The following NEGR1 variants were observed in gnomAD, a reference collection of about 807,000 sequenced individuals.
NEGR1 encodes the protein neuronal growth regulator 1, also known as IgLON family member 4.
A neutral mutation model predicts 40.9 loss-of-function variants in NEGR1; 10 were observed. The ratio of observed to expected loss-of-function variants is 0.24; its 90% CI spans 0.15 to 0.42. NEGR1 has a LOEUF of 0.42. Among genes scored for constraint, NEGR1 ranks in the 10% least tolerant of loss-of-function variants. The pLI is 1.00. For synonymous variants in NEGR1, 185 were observed against 166.8 expected (o/e 1.11, Z -0.84); for missense variants, 352 against 438.9 (o/e 0.80, Z 1.77).
chr1:71,752,577 T>G (rs1655605748), intron 3 of NEGR1, among the ~76,000 whole-genome samples: 1 of 152,210 alleles, frequency 6.6e-6, no homozygotes, highest in Admixed American at 6.5e-5. Flanking sequence ...TGCATGAACC[T>G]ATCTTTGGTT....
At chr1:71,872,113 T>C (rs900642574) in intron 2 of NEGR1, among the ~76,000 whole-genome samples, 1 of 152,132 alleles carries the variant, frequency 6.6e-6, no homozygotes, top group Non-Finnish European at 1.5e-5. Flanking sequence ...TGAACAACTA[T>C]AGTCCATTCA....
chr1:71,594,361 C>T (rs1649618221), intron 5 of NEGR1, among the ~76,000 whole-genome samples: 2 of 152,102 alleles, frequency 1.3e-5, no homozygotes, highest in Non-Finnish European at 2.9e-5. Flanking sequence ...ATGGCATCCC[C>T]TGAGAGTTCA....
chr1:72,248,078 G>C (rs993791709), intron 1 of NEGR1, among the ~76,000 whole-genome samples: 1 of 152,042 alleles, frequency 6.6e-6, no homozygotes, highest in Non-Finnish European at 1.5e-5. Flanking sequence ...TGTGAAGACA[G>C]CACCAAGCCA....
In NEGR1 at chr1:71,401,190, T is replaced by A. The variant is rs1646244563; in HGVS notation, c.*6256A>T. On this transcript the variant is annotated 3_prime_UTR_variant, in exon 7 of 7. Coordinates refer to ENST00000357731, the MANE Select transcript of NEGR1 (RefSeq NM_173808.3). Reference sequence around the variant, plus strand: ...TTTGAACTCTTTTTCAAGTTGTAAATAAATAATACTAAGGCAAAATATTTC... The same window carrying A: ...TTTGAACTCTTTTTCAAGTTGTAAAAAAATAATACTAAGGCAAAATATTTC... 6.6e-6 allele frequency: 1 copy of A among 152,134 alleles called. No individual in the cohort carries two copies. Among genetic ancestry groups the A allele is most frequent in the Admixed American group, 6.6e-5 (1 of 15,266 alleles). 9.4% of individuals were successfully genotyped at this position (152,134 alleles called of 1,614,324 possible). A position where few individuals can be genotyped will look rare whatever the true frequency, so the allele number is the denominator to read the frequency against.
At chr1:71,987,218 T>C (rs746255775) in intron 1 of NEGR1, among the ~76,000 whole-genome samples, 12 of 152,180 alleles carry the variant, frequency 7.9e-5, no homozygotes, top group Non-Finnish European at 1.8e-4. Flanking sequence ...GTATGTTCTA[T>C]AACCTTCACT....
chr1:71,725,403 C>A (rs1654638395), intron 3 of NEGR1, among the ~76,000 whole-genome samples: 1 of 152,058 alleles, frequency 6.6e-6, no homozygotes, highest in South Asian at 2.1e-4. Flanking sequence ...TTGGATTGAA[C>A]TTTTATCCAT....
At chr1:71,631,547 A>G (rs1353502434) in intron 4 of NEGR1, among the ~76,000 whole-genome samples, 2 of 151,854 alleles carry the variant, frequency 1.3e-5, no homozygotes, top group Non-Finnish European at 2.9e-5. Flanking sequence ...TAAAATCACA[A>G]ATAGCTCCAT....
chr1:71,565,707 C>A (rs1188999607), intron 6 of NEGR1, among the ~76,000 whole-genome samples: 1 of 152,142 alleles, frequency 6.6e-6, no homozygotes, highest in Admixed American at 6.5e-5. Flanking sequence ...ATGATAGATG[C>A]AATGGAGATA....
intron 3 of NEGR1, among the ~76,000 whole-genome samples, chr1:71,725,933 T>A (rs1335804268): frequency 6.6e-6 from 1 of 152,118 alleles, no homozygotes; most frequent in Non-Finnish European, 1.5e-5. Context: ...ACATTTGTTT[T>A]TGTGTCTCTG....
intron 2 of NEGR1, among the ~76,000 whole-genome samples, chr1:71,805,021 G>A (rs1283899383): frequency 1.3e-5 from 2 of 152,102 alleles, no homozygotes; most frequent in Admixed American, 1.3e-4. Context: ...TGGCTGCTTT[G>A]GGGGTGGCTG....
intron 4 of NEGR1, among the ~76,000 whole-genome samples, chr1:71,663,254 G>C (rs1652129162): frequency 6.6e-6 from 1 of 152,068 alleles, no homozygotes; most frequent in Non-Finnish European, 1.5e-5. Flanking sequence ...ACCATGACCG[G>C]CCATTTTTTA....
intron 2 of NEGR1, among the ~76,000 whole-genome samples, chr1:71,804,979 G>A (rs1657701510): frequency 6.6e-6 from 1 of 152,170 alleles, no homozygotes; most frequent in South Asian, 2.1e-4. Context: ...CCCTGAGAAG[G>A]AGAATGCATC....
chr1:71,920,172 A>T (rs947395007), intron 2 of NEGR1, among the ~76,000 whole-genome samples: 6 of 152,166 alleles, frequency 3.9e-5, no homozygotes, highest in Non-Finnish European at 8.8e-5. Flanking sequence ...TCTCTTTGTC[A>T]GTACTACTTC....
At chr1:71,821,459 A>G (rs1484183083) in intron 2 of NEGR1, among the ~76,000 whole-genome samples, 2 of 152,024 alleles carry the variant, frequency 1.3e-5, no homozygotes, top group Admixed American at 6.6e-5. Context: ...GGGTATTTGC[A>G]TTCTAAAAGG....
intron 3 of NEGR1, among the ~76,000 whole-genome samples, chr1:71,762,448 A>G (rs1307432287): frequency 6.6e-6 from 1 of 152,092 alleles, no homozygotes; most frequent in Non-Finnish European, 1.5e-5. Flanking sequence ...TTAAAATAGG[A>G]CAATATCTTT....
chr1:71,979,614 A>G (rs1646337272), intron 1 of NEGR1, among the ~76,000 whole-genome samples: 1 of 152,156 alleles, frequency 6.6e-6, no homozygotes, highest in South Asian at 2.1e-4. Flanking sequence ...ACCCACAAAG[A>G]CAACGGAAAT....
At chr1:72,179,218 A>G (rs1386347959) in intron 1 of NEGR1, among the ~76,000 whole-genome samples, 1 of 152,024 alleles carries the variant, frequency 6.6e-6, no homozygotes, top group Non-Finnish European at 1.5e-5. Flanking sequence ...AATCCTGCAT[A>G]TGGCTTAGTC....
chr1:71,771,625 G>A (rs11209840), intron 3 of NEGR1, among the ~76,000 whole-genome samples: 109,257 of 146,330 alleles, frequency 0.75, 42,702 homozygotes, highest in East Asian at 0.86. Flanking sequence ...TTTGAACCTG[G>A]GAGGTGGAGG....
chr1:71,481,677 A>C (rs1646854918), intron 6 of NEGR1, among the ~76,000 whole-genome samples: 1 of 151,902 alleles, frequency 6.6e-6, no homozygotes, highest in Non-Finnish European at 1.5e-5. Flanking sequence ...CCACTTTGTA[A>C]ATATTTTTGT....
Sources: allele counts gnomAD v4.1 joint callset (sites outside exome capture counted in the v4.1 genomes callset), GRCh38; gene constraint gnomAD v4.1.1; transcripts MANE v1.5; gene names NCBI Gene and HGNC (gene_info 2026-07-23, HGNC 2026-07-21).